ST13: variants seen among roughly 807,000 people sequenced by gnomAD.
ST13 encodes ST13 Hsp70 interacting protein, also known as hsc70-interacting protein.
ST13 carries 23 observed loss-of-function variants against 56.7 expected under a neutral mutation model. The ratio of observed to expected loss-of-function variants is 0.41; its 90% CI spans 0.29 to 0.57. The LOEUF (loss-of-function observed/expected upper bound fraction) is 0.57. ST13 is among the 20% of genes least tolerant of loss of function. The pLI is 0.36. For synonymous variants in ST13, 132 were observed against 142.4 expected, an observed-to-expected ratio of 0.93 and a Z score of 0.52; for missense variants, 369 against 459.9, an observed-to-expected ratio of 0.80 and a Z score of 1.81.
intron 5 of ST13, among the ~76,000 whole-genome samples, chr22:40,836,500 A>G (rs1041614884): frequency 1.3e-5 from 2 of 152,172 alleles, no homozygotes; most frequent in African/African-American, 4.8e-5. Flanking sequence ...AATTTAAAGG[A>G]TAAGATAAAT....
At chr22:40,831,711 G>C (rs1030837747) in intron 8 of ST13, among the ~76,000 whole-genome samples, 4 of 152,072 alleles carry the variant, frequency 2.6e-5, no homozygotes, top group Non-Finnish European at 5.9e-5. Flanking sequence ...GTAAATTCTT[G>C]ACAGCTGAAC....
intron 5 of ST13, among the ~76,000 whole-genome samples, chr22:40,839,066 T>C (rs956446544): frequency 6.6e-6 from 1 of 151,680 alleles, no homozygotes; most frequent in Non-Finnish European, 1.5e-5. Context: ...CAAGCAAGAG[T>C]AGAATAAAAA....
chr22:40,854,840 C>G (rs1392317006), intron 1 of ST13, among the ~76,000 whole-genome samples: 1 of 152,156 alleles, frequency 6.6e-6, no homozygotes, highest in Non-Finnish European at 1.5e-5. Context: ...TCAAGCTGTT[C>G]AATAGAGAAA....
Position 40,838,295 on chromosome 22 carries a change from T to C in ST13, c.382+2331A>G, listed in dbSNP as rs548637901. ...TGGATTCACAACCCCTGCTTTAGAA[T>C]ACTAATCTTTTATCCTTTAGAATAC... On this transcript the variant is annotated intron_variant, in intron 5 of 11. Transcript: ENST00000216218. Among the ~76,000 whole-genome samples the C allele has an allele frequency of 4.3e-4, 65 of 152,312 alleles. 1 individual carries two copies. The South Asian group carries it at 0.013, about 31-fold the overall frequency.
chr22:40,846,106 T>C (rs919605699), intron 3 of ST13, among the ~76,000 whole-genome samples: 1 of 152,204 alleles, frequency 6.6e-6, no homozygotes, highest in East Asian at 1.9e-4. Flanking sequence ...CTGGCTAATT[T>C]TGTATTTTTA....
chr22:40,830,830 G>A lies in ST13; in HGVS notation c.798+10C>T, dbSNP rs774322425. On this transcript the variant is annotated intron_variant, in intron 9 of 11. Transcript: ENST00000216218. ...ATTTTCCTTTCATGGCTTAGCTATAGGAAATTTACCCTCTGGGCTCTCTCA... is the reference window on the plus strand; with the variant it reads ...ATTTTCCTTTCATGGCTTAGCTATAAGAAATTTACCCTCTGGGCTCTCTCA... 3 of 1,578,302 alleles carry A rather than the reference G, an allele frequency of 1.9e-6. No individual in the cohort carries two copies. The highest frequency in any genetic ancestry group is 2.6e-6 in the Non-Finnish European group (3 of 1,157,744).
intron 5 of ST13, 52 bp from the exon 6 acceptor site, chr22:40,835,939 TAA>T (rs1327717123): frequency 7.1e-7 from 1 of 1,402,434 alleles, no homozygotes; most frequent in Admixed American, 2.0e-5. Flanking sequence ...AAAATATTAA[TAA>T]AAAGTTTTGA....
chr22:40,837,058 C>T (rs1242822422), intron 5 of ST13, among the ~76,000 whole-genome samples: 1 of 152,176 alleles, frequency 6.6e-6, no homozygotes, highest in African/African-American at 2.4e-5. Flanking sequence ...TCCAGTAATC[C>T]CCCCAACTCA....
chr22:40,856,504 C>G lies in ST13; in HGVS notation c.37G>C (p.Val13Leu). Residue 13 changes from valine (V) to leucine (L), a missense_variant, in exon 1 of 12, where the codon GTG becomes CTG. By Grantham distance (32) the Val-to-Leu change is conservative. Transcript: ENST00000216218. The part of the protein sequence containing the change: ...PRKVNELRAF[V>L]KMCKQDPSVL... ...CTCGGATCCTGCTTACACATTTTCA[C>G]AAAGGCCCGAAGCTCGTTCACTTTG... The G allele has an allele frequency of 6.2e-7, 1 of 1,613,306 alleles. No homozygotes were observed. Among genetic ancestry groups the G allele is most frequent in the Non-Finnish European group, 8.5e-7 (1 of 1,179,734 alleles).
At chr22:40,839,751 G>A (rs563292121) in intron 5 of ST13, among the ~76,000 whole-genome samples, 9 of 151,520 alleles carry the variant, frequency 5.9e-5, no homozygotes, top group Non-Finnish European at 1.0e-4. Context: ...GACAAAGCAC[G>A]ACTCTGTCTC....
chr22:40,839,536 G>A (rs192042465), intron 5 of ST13, among the ~76,000 whole-genome samples: 4 of 152,186 alleles, frequency 2.6e-5, no homozygotes, highest in Admixed American at 6.5e-5. Flanking sequence ...AGGCAGAGGC[G>A]GGCACATCAC....
chr22:40,828,888 C>T (rs1387399512), intron 10 of ST13, among the ~76,000 whole-genome samples: 2 of 152,154 alleles, frequency 1.3e-5, no homozygotes. Flanking sequence ...TGACCCAAAG[C>T]TTGTCAAATC....
chr22:40,856,586 C>T lies in ST13; in HGVS notation c.-46G>A. 1.3e-6 allele frequency: 2 copies of T among 1,534,006 alleles called. No homozygotes were observed. Among genetic ancestry groups the T allele is most frequent in the Non-Finnish European group, 1.8e-6 (2 of 1,110,222 alleles). The stretch of plus-strand genomic sequence containing the variant: ...AACTGGGGGGGCTACGGCCCGGTTC[C>T]AGGCCCAGGCGCTGGCTCGGCGTGA... On this transcript the variant is annotated 5_prime_UTR_variant, in exon 1 of 12. Coordinates refer to ENST00000216218, the MANE Select transcript of ST13 (RefSeq NM_003932.5).
At chr22:40,838,107 G>C (rs1015978245) in intron 5 of ST13, among the ~76,000 whole-genome samples, 1 of 152,148 alleles carries the variant, frequency 6.6e-6, no homozygotes, top group South Asian at 2.1e-4. Flanking sequence ...AATCTCTGCA[G>C]ACCATACAAT....
At chr22:40,841,556 C>T (rs1381687915) in intron 4 of ST13, among the ~76,000 whole-genome samples, 2 of 151,644 alleles carry the variant, frequency 1.3e-5, no homozygotes, top group African/African-American at 2.4e-5. Context: ...GGCAATATGG[C>T]GAAACTTCGT....
intron 7 of ST13, 51 bp from the exon 8 acceptor site, chr22:40,832,722 T>C (rs943541770): frequency 7.6e-7 from 1 of 1,311,212 alleles, no homozygotes; most frequent in Non-Finnish European, 1.1e-6. Flanking sequence ...TATTCACCTA[T>C]GTGGCATGAT....
chr22:40,847,195 G>T (rs780663478), intron 3 of ST13, among the ~76,000 whole-genome samples: 1 of 152,124 alleles, frequency 6.6e-6, no homozygotes, highest in Non-Finnish European at 1.5e-5. Flanking sequence ...CAACATGGTT[G>T]TAAGAACTAA....
rs368870146 is a variant in ST13, at chr22:40,829,300, C to G, written c.847+326G>C. ...GGTCTTTATATAAATTCCACACTGT[C>G]GTAATCAGGAAGTACTCAATAAATC... On this transcript the variant is annotated intron_variant, in intron 10 of 11. Coordinates refer to ENST00000216218, the MANE Select transcript of ST13 (RefSeq NM_003932.5). 3.3e-5 allele frequency among the ~76,000 whole-genome samples: 5 copies of G among 152,136 alleles called. No individual in the cohort carries two copies. The East Asian group carries it at 9.6e-4, about 29-fold the overall frequency.
At chr22:40,845,085 G>C (rs2057824290) in intron 3 of ST13, among the ~76,000 whole-genome samples, 176 bp from the exon 4 acceptor site, 1 of 152,096 alleles carries the variant, frequency 6.6e-6, no homozygotes, top group African/African-American at 2.4e-5. Context: ...TACACTTTAC[G>C]TTAACTGTCA....
Sources: gnomAD v4.1 joint callset for allele counts (sites outside exome capture counted in the v4.1 genomes callset) on GRCh38, gnomAD v4.1.1 for gene constraint, MANE v1.5 for transcripts, NCBI Gene and HGNC (gene_info 2026-07-23, HGNC 2026-07-21) for gene names.